LARP1: variants seen among roughly 807,000 people sequenced by gnomAD.
LARP1 encodes the protein La ribonucleoprotein 1, translational regulator, also known as la-related protein 1.
In LARP1, 36 loss-of-function variants were observed where a neutral mutation model predicts 122.7. The observed-to-expected ratio is 0.29, with a 90% CI of 0.22 to 0.39. LARP1 has a LOEUF of 0.39. Ranked by LOEUF, LARP1 falls within the 10% of genes least tolerant of loss-of-function variation. The pLI is 1.00. For missense variants in LARP1, 1,040 were observed against 1,403.6 expected (o/e 0.74, Z 4.14); for synonymous variants, 539 against 528.7 (o/e 1.02, Z -0.27).
chr5:154,798,731 C>T (rs1758088943), intron 8 of LARP1, among the ~76,000 whole-genome samples: 1 of 152,204 alleles, frequency 6.6e-6, no homozygotes, highest in South Asian at 2.1e-4. Context: ...TTTGCTCAAG[C>T]GATCTACCCA....
chr5:154,787,715 A>G (rs1363659187), intron 1 of LARP1, among the ~76,000 whole-genome samples: 1 of 152,172 alleles, frequency 6.6e-6, no homozygotes, highest in Non-Finnish European at 1.5e-5. Flanking sequence ...GAGAAAGAGC[A>G]GGGCACCGTG....
In LARP1 at chr5:154,811,705, A is replaced by T. The variant is rs968278843; in HGVS notation, c.3081+65A>T. On this transcript the variant is annotated intron_variant, in intron 18 of 18. Coordinates refer to ENST00000518297, the MANE Select transcript of LARP1 (RefSeq NM_033551.3). ...AGAAAACTGGACCAGGAATCAGGAT[A>T]CTTGGATTCTGGTCCAGCTGTGCCC... 1.9e-6 allele frequency: 3 copies of T among 1,590,708 alleles called. No individual in the cohort carries two copies. The African/African-American group carries it at 4.0e-5, about 21-fold the overall frequency.
rs578143397 is a variant in LARP1, at chr5:154,725,485, G to A, written c.205+12355G>A. Among the ~76,000 whole-genome samples the A allele has an allele frequency of 1.3e-3, 197 of 151,970 alleles. 1 individual carries two copies. The highest frequency in any genetic ancestry group is 4.5e-3 in the African/African-American group (186 of 41,444). On this transcript the variant is annotated intron_variant, in intron 1 of 18. Coordinates refer to the LARP1 transcript ENST00000336314. ...GGGTTGCTTGAGTTCAGAAGGTTGA[G>A]GCTGCAGTGAGCTATGATTATGCCA...
chr5:154,716,387 C>T (rs964119038), intron 1 of LARP1, among the ~76,000 whole-genome samples: 15 of 151,694 alleles, frequency 9.9e-5, no homozygotes, highest in African/African-American at 2.9e-4. Context: ...TCCCAAAGTG[C>T]TAGGATTACA....
intron 16 of LARP1, among the ~76,000 whole-genome samples, chr5:154,810,511 C>T (rs528726685): frequency 6.6e-6 from 1 of 151,712 alleles, no homozygotes; most frequent in African/African-American, 2.4e-5. Flanking sequence ...ATTTTGGAGA[C>T]GAGTCTCACT....
chr5:154,789,769 T>C (rs1281111549), intron 1 of LARP1, among the ~76,000 whole-genome samples: 3 of 152,178 alleles, frequency 2.0e-5, no homozygotes, highest in Admixed American at 6.5e-5. Flanking sequence ...GGAGCCCACT[T>C]TTTCTTTGGA....
At chr5:154,776,766 T>A (rs1755920880) in intron 1 of LARP1, among the ~76,000 whole-genome samples, 1 of 152,230 alleles carries the variant, frequency 6.6e-6, no homozygotes, top group African/African-American at 2.4e-5. Context: ...ATTGCAAGCC[T>A]GCTAGCTCAC....
chr5:154,798,655 G>A (rs1758083006), intron 8 of LARP1, among the ~76,000 whole-genome samples: 2 of 152,102 alleles, frequency 1.3e-5, no homozygotes, highest in Non-Finnish European at 2.9e-5. Context: ...ATGTATGCCA[G>A]CGCCACCTTT....
intron 14 of LARP1, among the ~76,000 whole-genome samples, chr5:154,805,485 G>A (rs1206353310): frequency 1.3e-5 from 2 of 152,172 alleles, no homozygotes; most frequent in African/African-American, 4.8e-5. Flanking sequence ...GGACCCACGC[G>A]TGGATCCATG....
intron 1 of LARP1, among the ~76,000 whole-genome samples, chr5:154,763,747 AC>A (rs200296914): frequency 0.013 from 1,993 of 152,060 alleles, 41 homozygotes; most frequent in African/African-American, 0.045. Context: ...CATGCCTGTA[AC>A]CCCAGCACTT....
intron 1 of LARP1, among the ~76,000 whole-genome samples, chr5:154,730,358 G>A (rs1756481584): frequency 6.6e-6 from 1 of 151,332 alleles, no homozygotes; most frequent in African/African-American, 2.4e-5. Flanking sequence ...ATCTCTACCA[G>A]ATGGATGTAT....
chr5:154,699,239 A>G (rs1366013277), intron 1 of LARP1, among the ~76,000 whole-genome samples: 21 of 152,238 alleles, frequency 1.4e-4, no homozygotes. Flanking sequence ...TTCACTGTGA[A>G]GGACACAAAC....
chr5:154,790,233 G>A, intron 1 of LARP1, 92 bp from the exon 2 acceptor site: 1 of 1,015,424 alleles, frequency 9.8e-7, no homozygotes, highest in Non-Finnish European at 1.5e-6. Flanking sequence ...CAGGTTGCTA[G>A]GTGGAGTGGG....
chr5:154,722,199 G>C (rs567445853), intron 1 of LARP1, among the ~76,000 whole-genome samples: 1 of 152,088 alleles, frequency 6.6e-6, no homozygotes, highest in African/African-American at 2.4e-5. Context: ...CCTAGACTCC[G>C]CATGATCTGC....
Position 154,803,482 on chromosome 5 carries a change from C to T in LARP1, c.2234-58C>T, listed in dbSNP as rs1282879192. The stretch of plus-strand genomic sequence containing the variant: ...TAGGGCCCTTGGACTGGGGGCTATC[C>T]TGGGGTGGATGCCACAGGCCTTTCC... On this transcript the variant is annotated intron_variant, in intron 12 of 18. Transcript: ENST00000518297. The surrounding 1 kb of genome is among the most constrained non-coding windows in gnomAD (Gnocchi z 4.4). 1 of 1,613,938 alleles carries T rather than the reference C, an allele frequency of 6.2e-7. No homozygotes were observed. Among genetic ancestry groups the T allele is most frequent in the African/African-American group, 1.3e-5 (1 of 74,998 alleles).
At chr5:154,692,963 C>A (rs1483232786) in intron 1 of LARP1, among the ~76,000 whole-genome samples, 2 of 149,780 alleles carry the variant, frequency 1.3e-5, no homozygotes, top group Admixed American at 1.3e-4. Flanking sequence ...CACGCACCAC[C>A]ATACCCAGCT....
intron 1 of LARP1, among the ~76,000 whole-genome samples, chr5:154,704,392 A>G (rs1255323571): frequency 1.3e-5 from 2 of 152,162 alleles, no homozygotes; most frequent in Non-Finnish European, 2.9e-5. Context: ...CATGCCTGTA[A>G]TCCCAGCACT....
upstream of LARP1, among the ~76,000 whole-genome samples, chr5:154,709,301 T>C (rs1030186477): frequency 1.3e-5 from 2 of 152,238 alleles, no homozygotes; most frequent in South Asian, 4.1e-4. Flanking sequence ...GCTTCTGCTC[T>C]TCATGTTCAC....
upstream of LARP1, among the ~76,000 whole-genome samples, chr5:154,711,141 C>CT (rs544780959): frequency 0.088 from 11,915 of 135,298 alleles, 1,081 homozygotes; most frequent in African/African-American, 0.23. Context: ...CAGTGTGGTA[C>CT]TTTTTTTTTT....
Sources: allele counts gnomAD v4.1 joint callset (sites outside exome capture counted in the v4.1 genomes callset), GRCh38; gene constraint gnomAD v4.1.1; non-coding constraint Gnocchi (gnomAD v3.1); transcripts MANE v1.5; gene names NCBI Gene and HGNC (gene_info 2026-07-23, HGNC 2026-07-21).